Variants in AFF3 observed in about 807,000 individuals in gnomAD.
AFF3 encodes AF4/FMR2 family member 3.
Under a neutral mutation model 129.7 loss-of-function variants are expected in AFF3, and 32 were observed. The ratio of observed to expected loss-of-function variants is 0.25; its 90% CI spans 0.19 to 0.33. The LOEUF (loss-of-function observed/expected upper bound fraction) is 0.33. Among genes scored for constraint, AFF3 ranks in the 10% least tolerant of loss-of-function variants. AFF3 has a pLI of 1.00. For synonymous variants in AFF3, 644 were observed against 635.4 expected, an observed-to-expected ratio of 1.01 and a Z score of -0.20; for missense variants, 1,373 against 1,592.0, an observed-to-expected ratio of 0.86 and a Z score of 2.34.
chr2:99,950,493 GTCA>G (rs1350280906), intron 7 of AFF3, among the ~76,000 whole-genome samples: 3 of 152,126 alleles, frequency 2.0e-5, no homozygotes, highest in Non-Finnish European at 4.4e-5. Context: ...CAGAGCCTGG[GTCA>G]TGTTTGTTTC....
intron 4 of AFF3, among the ~76,000 whole-genome samples, chr2:100,077,171 C>A (rs1688647821): frequency 6.6e-6 from 1 of 152,216 alleles, no homozygotes; most frequent in Admixed American, 6.5e-5. Context: ...ATTGCTAGAA[C>A]CCAGGAGACA....
intron 7 of AFF3, among the ~76,000 whole-genome samples, chr2:99,962,335 A>T (rs1272130771): frequency 6.6e-6 from 1 of 152,186 alleles, no homozygotes; most frequent in East Asian, 1.9e-4. Context: ...TGGAGACTCA[A>T]AATAATAGCC....
intron 13 of AFF3, among the ~76,000 whole-genome samples, chr2:99,627,302 T>C (rs1254994294): frequency 6.6e-6 from 1 of 152,220 alleles, no homozygotes; most frequent in African/African-American, 2.4e-5. Flanking sequence ...CAGTGTCGTT[T>C]TGATTTGCAT....
In AFF3 at chr2:99,898,717, C is replaced by T. The variant is rs148293897; in HGVS notation, c.874-61193G>A. On this transcript the variant is annotated intron_variant, in intron 7 of 24. Transcript: ENST00000672756. ...AGCCCATTCCCCAGGAAGCCTCTTG[C>T]GGCCACCCACTCTGATCACCTCCTG... is the stretch of plus-strand genomic sequence containing the variant. 2.7e-3 allele frequency among the ~76,000 whole-genome samples: 411 copies of T among 152,284 alleles called. 6 individuals carry two copies. Among genetic ancestry groups the T allele is most frequent in the African/African-American group, 9.5e-3 (394 of 41,546 alleles).
chr2:99,874,487 G>GTTT, intron 7 of AFF3, among the ~76,000 whole-genome samples: 1 of 152,152 alleles, frequency 6.6e-6, no homozygotes. Context: ...TTTAGTCAAC[G>GTTT]AGACAGGGAA....
chr2:100,045,167 G>A (rs1244295658), intron 4 of AFF3, among the ~76,000 whole-genome samples: 1 of 152,130 alleles, frequency 6.6e-6, no homozygotes, highest in Non-Finnish European at 1.5e-5. Context: ...GGGAAGGGGA[G>A]GAGGGTGAGG....
intron 8 of AFF3, among the ~76,000 whole-genome samples, chr2:99,825,853 T>C (rs1291499440): frequency 6.6e-6 from 1 of 152,198 alleles, no homozygotes; most frequent in Non-Finnish European, 1.5e-5. Flanking sequence ...TGTGTTCTAA[T>C]GCTTCCAGGT....
chr2:100,092,326 G>GCT (rs1176251956), intron 4 of AFF3, among the ~76,000 whole-genome samples: 4 of 151,720 alleles, frequency 2.6e-5, no homozygotes, highest in African/African-American at 7.3e-5. Context: ...GCCCCCAACA[G>GCT]CTCTCTACTC....
In AFF3 at chr2:100,006,570, G is replaced by A. The variant is rs962109098; in HGVS notation, c.873+62C>T. ...AAAGAAACATGGAAACTGAATTCAC[G>A]AGGGTCAAATTGTCACTTGTAACTA... is the stretch of plus-strand genomic sequence containing the variant. On this transcript the variant is annotated intron_variant, in intron 7 of 24. Coordinates refer to ENST00000672756, the MANE Select transcript of AFF3 (RefSeq NM_001386135.1). 2.3e-5 allele frequency: 35 copies of A among 1,495,208 alleles called. No homozygotes were observed. In the African/African-American group the frequency reaches 3.5e-4, roughly 15 times the overall value. 92.6% of individuals were successfully genotyped at this position (1,495,208 alleles called of 1,614,324 possible).
intron 2 of AFF3, among the ~76,000 whole-genome samples, chr2:100,125,026 A>G (rs1462989298): frequency 6.6e-6 from 1 of 152,220 alleles, no homozygotes; most frequent in African/African-American, 2.4e-5. Context: ...ATTTCAACAC[A>G]AAAACAAAAG....
chr2:100,075,650 A>G (rs1441726529), intron 4 of AFF3, among the ~76,000 whole-genome samples: 1 of 152,144 alleles, frequency 6.6e-6, no homozygotes, highest in African/African-American at 2.4e-5. Flanking sequence ...AATTATGGAA[A>G]TTTCACTATA....
intron 4 of AFF3, among the ~76,000 whole-genome samples, chr2:100,034,804 G>A (rs540899228): frequency 1.3e-5 from 2 of 152,134 alleles, no homozygotes; most frequent in East Asian, 3.9e-4. Flanking sequence ...AAGTTCCCCC[G>A]GTTCCATCAA....
chr2:99,756,540 CCT>C (rs1243718051), intron 8 of AFF3, among the ~76,000 whole-genome samples: 1 of 152,190 alleles, frequency 6.6e-6, no homozygotes, highest in African/African-American at 2.4e-5. Flanking sequence ...CTGCCTGCAC[CCT>C]CTGTCTGTTA....
chr2:100,109,001 A>G (rs1691423364), intron 2 of AFF3, among the ~76,000 whole-genome samples: 1 of 136,754 alleles, frequency 7.3e-6, no homozygotes, highest in Non-Finnish European at 1.5e-5. Flanking sequence ...TCCTGCCTAC[A>G]TAATTCACTT....
chr2:99,565,590 C>T lies in AFF3; in HGVS notation c.3016G>A (p.Glu1006Lys). ...CACTCGATAAACGACAATGCTGCTTCAGCATAGTTCAAAGCCTTTCCAAAC... is the reference window on the plus strand; with the variant it reads ...CACTCGATAAACGACAATGCTGCTTTAGCATAGTTCAAAGCCTTTCCAAAC... Reference protein sequence around the residue: ...EKFGKALNYAEAALSFIECGN... With the variant: ...EKFGKALNYAKAALSFIECGN... Residue 1006 changes from glutamate to lysine, a missense_variant, in exon 20 of 25, where the codon GAA becomes AAA. Glu to Lys is a moderately conservative substitution (Grantham distance 56). Around this residue, in one of 9 missense-constraint regions of AFF3, gnomAD observed 65 missense variants for 102.1 expected, o/e 0.64. Coordinates refer to ENST00000672756, the MANE Select transcript of AFF3 (RefSeq NM_001386135.1). 6.2e-7 allele frequency: 1 copy of T among 1,614,214 alleles called. No individual in the cohort carries two copies. Among genetic ancestry groups the T allele is most frequent in the African/African-American group, 1.3e-5 (1 of 75,056 alleles).
chr2:100,015,505 A>G (rs1682941468), intron 4 of AFF3, among the ~76,000 whole-genome samples: 1 of 152,252 alleles, frequency 6.6e-6, no homozygotes, highest in African/African-American at 2.4e-5. Context: ...AGCACTGTGT[A>G]TAATTAAGGA....
chr2:100,019,484 T>C (rs1487341748), intron 4 of AFF3, among the ~76,000 whole-genome samples: 3 of 152,108 alleles, frequency 2.0e-5, no homozygotes, highest in Non-Finnish European at 4.4e-5. Context: ...ATCACGGTTC[T>C]CCACGGAGAC....
rs754205472 is a variant in AFF3 at position 99,593,541 on chromosome 2, C to T, written c.2120G>A (p.Arg707Lys). ...CCCGTTGGCAGCGGCCTCCTTCAGC[C>T]TCTGATCATTCCCGGAGGAGGCAGA... The part of the protein sequence containing the change: ...AASASSGNDQ[R>K]LKEAAANGGS... The change falls in exon 15 of 25, where the codon AGG becomes AAG. Residue 707 changes from arginine to lysine, a missense_variant. Physicochemically the swap from Arg to Lys is conservative, Grantham distance 26. Coordinates refer to ENST00000672756, the MANE Select transcript of AFF3 (RefSeq NM_001386135.1). 1 of 1,613,308 alleles carries T rather than the reference C, an allele frequency of 6.2e-7. No homozygotes were observed. Among genetic ancestry groups the T allele is most frequent in the East Asian group, 2.2e-5 (1 of 44,848 alleles).
chr2:99,575,083 G>A (rs62154466), intron 18 of AFF3, among the ~76,000 whole-genome samples: 1,895 of 152,222 alleles, frequency 0.012, 16 homozygotes, highest in Non-Finnish European at 0.021. Flanking sequence ...GAAGAACTGA[G>A]AATTAATTAA....
Sources: allele counts gnomAD v4.1 joint callset (sites outside exome capture counted in the v4.1 genomes callset), GRCh38; gene constraint gnomAD v4.1.1; regional missense constraint gnomAD v4.1.1; transcripts MANE v1.5; gene names NCBI Gene and HGNC (gene_info 2026-07-23, HGNC 2026-07-21).